The following TOX4 variants were observed in gnomAD, a reference collection of about 807,000 sequenced individuals.
The protein encoded by TOX4 is TOX high mobility group box family member 4.
Under a neutral mutation model 61.0 loss-of-function variants are expected in TOX4, and 12 were observed. The observed-to-expected ratio is 0.20, with a 90% CI of 0.13 to 0.32. The LOEUF (loss-of-function observed/expected upper bound fraction) is 0.32, where lower values mean the gene tolerates loss of function less well. Among genes scored for constraint, TOX4 ranks in the 10% least tolerant of loss-of-function variants. TOX4 has a pLI of 1.00. For synonymous variants in TOX4, 268 were observed against 274.8 expected (o/e 0.98, Z 0.24); for missense variants, 499 against 753.3 (o/e 0.66, Z 3.95).
chr14:21,489,588 T>C (rs979009945), intron 5 of TOX4, among the ~76,000 whole-genome samples, 185 bp downstream of exon 5: 1 of 152,068 alleles, frequency 6.6e-6, no homozygotes, highest in Non-Finnish European at 1.5e-5. Context: ...ATTTAAATTT[T>C]TTTTTTTTGA....
intron 5 of TOX4, among the ~76,000 whole-genome samples, chr14:21,491,482 C>T (rs1891289262): frequency 6.6e-6 from 1 of 152,054 alleles, no homozygotes; most frequent in South Asian, 2.1e-4. Context: ...GCCTCAGCCT[C>T]CTGAGTAGCT....
intron 2 of TOX4, chr14:21,482,542 C>T (rs902210312): frequency 4.3e-6 from 2 of 465,764 alleles, no homozygotes; most frequent in Non-Finnish European, 8.9e-6. Flanking sequence ...AACTGTAATT[C>T]CCAAACCAGC....
At position 21,488,747 on chromosome 14, in the gene TOX4, G is replaced by T; in HGVS notation, c.476G>T (p.Gly159Val). The change falls in exon 4 of 9, where the codon GGT (glycine) becomes GTT (valine). Residue 159 changes from glycine (G) to valine (V), a missense_variant. Gly to Val is a moderately radical substitution (Grantham distance 109). Around this residue, in one of 7 missense-constraint regions of TOX4, gnomAD observed 61 missense variants for 76.1 expected, o/e 0.80. Coordinates refer to ENST00000448790, the MANE Select transcript of TOX4 (RefSeq NM_014828.4). ...LSSQLGLSLG[G>V]GTILPPAQSP... is the part of the protein sequence containing the mutation. ...TCCCAGCTGGGTTTGAGCCTAGGGG[G>T]TGGCACCATCCTGCCACCTGCCCAG... The T allele has an allele frequency of 6.2e-7, 1 of 1,614,204 alleles. No homozygotes were observed. Among genetic ancestry groups the T allele is most frequent in the Non-Finnish European group, 8.5e-7 (1 of 1,180,044 alleles).
In TOX4 at chr14:21,498,551, G is replaced by C; in HGVS notation, c.*1945G>C. 1.6e-6 allele frequency: 1 copy of C among 629,456 alleles called. No homozygotes were observed. The highest frequency in any genetic ancestry group is 4.2e-4 in the Middle Eastern group (1 of 2,408). The allele number at this position is 629,456 out of a possible 1,614,324, so 39.0% of individuals were successfully genotyped here. A position where few individuals can be genotyped will look rare whatever the true frequency, so the allele number is the denominator to read the frequency against. ...CTAGTTCAGAATTGGCATAGATTCT[G>C]GTGTTAAAATAGACTGGATCTGTAT... is the stretch of plus-strand genomic sequence containing the variant. On this transcript the variant is annotated 3_prime_UTR_variant, in exon 9 of 9. Coordinates refer to ENST00000448790, the MANE Select transcript of TOX4 (RefSeq NM_014828.4).
intron 2 of TOX4, among the ~76,000 whole-genome samples, chr14:21,485,807 A>G (rs112454857): frequency 0.28 from 26,152 of 92,082 alleles, 9,145 homozygotes; most frequent in Admixed American, 0.35. Flanking sequence ...TGGAGGTTGT[A>G]GTGAGCCAAG....
intron 7 of TOX4, 123 bp downstream of exon 7, chr14:21,493,380 C>T: frequency 9.2e-7 from 1 of 1,084,286 alleles, no homozygotes; most frequent in Admixed American, 3.0e-5. Flanking sequence ...ACAAAACATC[C>T]TGCAGATGGG....
chr14:21,480,959 G>C (rs1891097294), intron 2 of TOX4, among the ~76,000 whole-genome samples: 2 of 151,960 alleles, frequency 1.3e-5, no homozygotes, highest in African/African-American at 2.4e-5. Context: ...GTGTGGCAGC[G>C]CATGCCTGTA....
rs1476296804 is a variant in TOX4, at chr14:21,486,438, CTAAGA to C, written c.76-1011_76-1007del. Among the ~76,000 whole-genome samples, 2 of 39,630 alleles carry C rather than the reference CTAAGA, an allele frequency of 5.0e-5. 1 individual carries two copies. The highest frequency in any genetic ancestry group is 1.2e-4 in the Non-Finnish European group (2 of 17,132). The allele number at this position is 39,630 out of a possible 152,430, so 26.0% of individuals were successfully genotyped here. A position where few individuals can be genotyped will look rare whatever the true frequency, so the allele number is the denominator to read the frequency against. ...GCCATTATATGTATCAGGCAATGTGCTAAGATTTTATGCATGAAATCTCACTTATC... is the reference window on the plus strand; with the variant it reads ...GCCATTATATGTATCAGGCAATGTGCTTTTATGCATGAAATCTCACTTATC... On this transcript the variant is annotated intron_variant, in intron 2 of 8. Coordinates refer to ENST00000448790, the MANE Select transcript of TOX4 (RefSeq NM_014828.4).
In TOX4 at chr14:21,477,570, C is replaced by T; in HGVS notation, c.75+6C>T. ...CCTTCCTGTCAGGGGCCGAGGTGAG[C>T]CAGAGCTGCCGACGCCGCGGGGGTA... is the stretch of plus-strand genomic sequence containing the variant. On this transcript the variant is annotated splice_donor_region_variant and intron_variant, in intron 2 of 8. Transcript: ENST00000448790. 6.2e-7 allele frequency: 1 copy of T among 1,613,408 alleles called. No individual in the cohort carries two copies. The highest frequency in any genetic ancestry group is 8.5e-7 in the Non-Finnish European group (1 of 1,180,018).
At chr14:21,488,965 T>C in intron 4 of TOX4, 115 bp downstream of exon 4, 3 of 1,456,742 alleles carry the variant, frequency 2.1e-6, no homozygotes, top group Non-Finnish European at 2.8e-6. Flanking sequence ...TCTGCTGTTT[T>C]CTGGGTATGG....
In TOX4 at chr14:21,489,619, C is replaced by T. The variant is rs566524839; in HGVS notation, c.810+216C>T. ...TTTGAGACAGAGTCTCGCTCTGTCA[C>T]CCAGGCTGGAGTGCAGTGCCGTGAT... On this transcript the variant is annotated intron_variant, in intron 5 of 8. Transcript: ENST00000448790. 1.2e-4 allele frequency among the ~76,000 whole-genome samples: 18 copies of T among 152,010 alleles called. No homozygotes were observed. The South Asian group carries it at 3.5e-3, about 30-fold the overall frequency.
intron 2 of TOX4, among the ~76,000 whole-genome samples, chr14:21,480,650 TG>T (rs1488984180): frequency 6.6e-6 from 1 of 152,132 alleles, no homozygotes; most frequent in Non-Finnish European, 1.5e-5. Flanking sequence ...TGGACTCCAC[TG>T]TAATTAGGAA....
chr14:21,477,413 G>C, intron 1 of TOX4, 83 bp from the exon 2 acceptor site: 2 of 1,610,206 alleles, frequency 1.2e-6, no homozygotes, highest in Non-Finnish European at 1.7e-6. Flanking sequence ...AGTGTTGTCA[G>C]AATGTCAGGG....
chr14:21,483,141 G>A (rs1369673657), intron 2 of TOX4, among the ~76,000 whole-genome samples: 1 of 152,122 alleles, frequency 6.6e-6, no homozygotes, highest in Non-Finnish European at 1.5e-5. Context: ...TTTATGAGGG[G>A]TAGTCACTTG....
At position 21,490,559 on chromosome 14, in the gene TOX4, G is replaced by A. The variant is rs1891269615; in HGVS notation, c.810+1156G>A. Among the ~76,000 whole-genome samples the A allele has an allele frequency of 3.3e-5, 5 of 152,162 alleles. No individual in the cohort carries two copies. In the South Asian group the frequency reaches 1.0e-3, roughly 32 times the overall value. ...GCTACCATTTCCCGCTTTTAAGGTG[G>A]AAACTGGAGCCCACTGCCCAGTTAA... is the stretch of plus-strand genomic sequence containing the variant. On this transcript the variant is annotated intron_variant, in intron 5 of 8. Transcript: ENST00000448790.
At chr14:21,492,189 A>AT (rs1381177521) in intron 5 of TOX4, 107 bp from the exon 6 acceptor site, 1 of 1,089,594 alleles carries the variant, frequency 9.2e-7, no homozygotes, top group African/African-American at 1.6e-5. Context: ...GTTGTCAGTG[A>AT]TTAGACTAAG....
At chr14:21,489,094 T>C (rs924781939) in intron 4 of TOX4, 79 bp from the exon 5 acceptor site, 127 of 1,460,208 alleles carry the variant, frequency 8.7e-5, no homozygotes, top group Non-Finnish European at 1.2e-4. Flanking sequence ...TTTCTGAAAA[T>C]TCCATACATG....
In TOX4 at chr14:21,496,837, G is replaced by A; in HGVS notation, c.*231G>A. 1 of 484,618 alleles carries A rather than the reference G, an allele frequency of 2.1e-6. No individual in the cohort carries two copies. The highest frequency in any genetic ancestry group is 2.3e-5 in the South Asian group (1 of 43,042). 30.0% of individuals were successfully genotyped at this position (484,618 alleles called of 1,614,324 possible). A position where few individuals can be genotyped will look rare whatever the true frequency, so the allele number is the denominator to read the frequency against. On this transcript the variant is annotated 3_prime_UTR_variant, in exon 9 of 9. Coordinates refer to ENST00000448790, the MANE Select transcript of TOX4 (RefSeq NM_014828.4). ...TTCAACCATAAGCGGTAATAGCAGA[G>A]GAAAGGGTGAAGGGAGTCTGGGCAA...
At position 21,498,398 on chromosome 14, in the gene TOX4, C is replaced by A. The variant is rs747291329; in HGVS notation, c.*1792C>A. 1.9e-6 allele frequency: 3 copies of A among 1,610,312 alleles called. No individual in the cohort carries two copies. Among genetic ancestry groups the A allele is most frequent in the Non-Finnish European group, 2.5e-6 (3 of 1,177,614 alleles). On this transcript the variant is annotated 3_prime_UTR_variant, in exon 9 of 9. Transcript: ENST00000448790. The stretch of plus-strand genomic sequence containing the variant: ...AAACAGTGTAAAAGGAGGGGCAAAC[C>A]AGAAATCCTGGAATTAGAGGGTTTA...
Sources: gnomAD v4.1 joint callset for allele counts (sites outside exome capture counted in the v4.1 genomes callset) on GRCh38, gnomAD v4.1.1 for gene constraint, gnomAD v4.1.1 regional missense constraint, MANE v1.5 for transcripts, NCBI Gene and HGNC (gene_info 2026-07-23, HGNC 2026-07-21) for gene names.